Variants in PDSS2 observed in about 807,000 individuals in gnomAD.
The protein encoded by PDSS2 is all trans-polyprenyl-diphosphate synthase PDSS2.
A neutral mutation model predicts 44.5 loss-of-function variants in PDSS2; 31 were observed. The observed-to-expected ratio is 0.70, with a 90% confidence interval of 0.52 to 0.94. PDSS2 has a LOEUF of 0.94. Ranked by LOEUF, PDSS2 falls within the 40% of genes least tolerant of loss-of-function variation. PDSS2 has a pLI of 0.00. For synonymous variants in PDSS2, 157 were observed against 180.3 expected (o/e 0.87, Z 1.03); for missense variants, 452 against 482.2 (o/e 0.94, Z 0.59).
At chr6:107,178,127 C>T (rs1771857422) in intron 7 of PDSS2, among the ~76,000 whole-genome samples, 1 of 152,170 alleles carries the variant, frequency 6.6e-6, no homozygotes, top group Non-Finnish European at 1.5e-5. Context: ...TCCTAGATTC[C>T]TAGCATCCTA....
At chr6:107,356,548 G>C (rs1195572630) in intron 1 of PDSS2, among the ~76,000 whole-genome samples, 1 of 152,102 alleles carries the variant, frequency 6.6e-6, no homozygotes, top group Non-Finnish European at 1.5e-5. Context: ...GAATAAAAAT[G>C]AATGTCATAG....
intron 1 of PDSS2, among the ~76,000 whole-genome samples, chr6:107,402,001 G>A (rs762890252): frequency 7.2e-5 from 11 of 152,008 alleles, no homozygotes; most frequent in African/African-American, 7.2e-5. Flanking sequence ...AAATTAGGCC[G>A]GGCGCAGTGG....
intron 2 of PDSS2, among the ~76,000 whole-genome samples, chr6:107,329,987 C>T (rs1218683398): frequency 6.4e-5 from 9 of 141,672 alleles, no homozygotes; most frequent in African/African-American, 1.3e-4. Context: ...GGTGATAGAG[C>T]GAGACTCTGT....
intron 1 of PDSS2, among the ~76,000 whole-genome samples, chr6:107,357,314 T>G (rs912325565): frequency 6.6e-5 from 10 of 152,156 alleles, no homozygotes; most frequent in Non-Finnish European, 1.5e-4. Flanking sequence ...GGCAACTGAT[T>G]AAAAATAAAT....
At position 107,210,436 on chromosome 6, in the gene PDSS2, T is replaced by C; in HGVS notation, c.1008+3A>G. ...ACCTAAAACAGGAGTAATTTCATTT[T>C]ACCTCTCCGATCTGTTTAATCCACA... On this transcript the variant is annotated splice_donor_region_variant and intron_variant, in intron 6 of 7. Transcript: ENST00000369037. 1 of 1,604,256 alleles carries C rather than the reference T, an allele frequency of 6.2e-7. No individual in the cohort carries two copies. The highest frequency in any genetic ancestry group is 8.5e-7 in the Non-Finnish European group (1 of 1,171,758).
chr6:107,414,258 G>A (rs1380470188), intron 1 of PDSS2, among the ~76,000 whole-genome samples: 2 of 152,196 alleles, frequency 1.3e-5, no homozygotes, highest in Non-Finnish European at 2.9e-5. Flanking sequence ...TGATTTCAGA[G>A]TATAACTGTA....
chr6:107,404,382 T>C (rs9398131), intron 1 of PDSS2, among the ~76,000 whole-genome samples: 21,447 of 152,186 alleles, frequency 0.14, 1,648 homozygotes, highest in East Asian at 0.25. Flanking sequence ...CTAAAGTTGT[T>C]TCCATATTTT....
intron 1 of PDSS2, among the ~76,000 whole-genome samples, chr6:107,451,852 C>A (rs1409364212): frequency 1.3e-5 from 2 of 152,182 alleles, no homozygotes; most frequent in Non-Finnish European, 2.9e-5. Flanking sequence ...TTCCTTTGAC[C>A]CCGCCAGACT....
intron 1 of PDSS2, among the ~76,000 whole-genome samples, chr6:107,444,191 C>T (rs1446737789): frequency 1.3e-5 from 2 of 151,966 alleles, no homozygotes; most frequent in South Asian, 2.1e-4. Flanking sequence ...CCACACCCAG[C>T]TACTTTTTAA....
intron 7 of PDSS2, among the ~76,000 whole-genome samples, chr6:107,155,723 G>T (rs1207576025): frequency 6.6e-6 from 1 of 151,132 alleles, no homozygotes; most frequent in Non-Finnish European, 1.5e-5. Flanking sequence ...GGGACTACAG[G>T]TGTGCACCAC....
intron 1 of PDSS2, among the ~76,000 whole-genome samples, chr6:107,423,925 T>A (rs185981555): frequency 6.6e-6 from 1 of 152,090 alleles, no homozygotes; most frequent in Non-Finnish European, 1.5e-5. Context: ...TCTTCTTCCA[T>A]AAAGCCTTTG....
intron 3 of PDSS2, among the ~76,000 whole-genome samples, chr6:107,262,217 ATTTC>A (rs1247505888): frequency 5.9e-5 from 9 of 151,824 alleles, no homozygotes; most frequent in African/African-American, 2.2e-4. Context: ...TGCCTCAGGT[ATTTC>A]TTTATCGCAA....
At chr6:107,382,740 G>C (rs1024808932) in intron 1 of PDSS2, among the ~76,000 whole-genome samples, 1 of 151,942 alleles carries the variant, frequency 6.6e-6, no homozygotes, top group African/African-American at 2.4e-5. Flanking sequence ...GGGAGGCTGC[G>C]GTGAGAGGAT....
At chr6:107,167,535 G>A (rs1582725509) in intron 7 of PDSS2, among the ~76,000 whole-genome samples, 1 of 152,182 alleles carries the variant, frequency 6.6e-6, no homozygotes, top group East Asian at 1.9e-4. Context: ...GAATGTGTTT[G>A]CTCTTGCTTC....
At chr6:107,209,962 C>T (rs965496231) in intron 6 of PDSS2, among the ~76,000 whole-genome samples, 22 of 152,232 alleles carry the variant, frequency 1.4e-4, no homozygotes, top group Middle Eastern at 3.4e-3. Flanking sequence ...CCTCCCACTT[C>T]GCCATGCTTT....
intron 4 of PDSS2, among the ~76,000 whole-genome samples, chr6:107,224,066 T>C (rs1476783157): frequency 2.0e-5 from 3 of 151,294 alleles, no homozygotes; most frequent in African/African-American, 7.4e-5. Flanking sequence ...TGCCTGATGA[T>C]ACGAAGTGGA....
chr6:107,324,930 C>A (rs1231150470), intron 2 of PDSS2, among the ~76,000 whole-genome samples: 2 of 152,012 alleles, frequency 1.3e-5, no homozygotes. Context: ...ATAGTCACAG[C>A]CTATTGTTAC....
intron 7 of PDSS2, among the ~76,000 whole-genome samples, chr6:107,191,348 G>C (rs1452839884): frequency 6.6e-6 from 1 of 152,200 alleles, no homozygotes; most frequent in African/African-American, 2.4e-5. Flanking sequence ...TGAGCACGAG[G>C]AATGGAAGAG....
chr6:107,410,173 T>C (rs1331613229), intron 1 of PDSS2, among the ~76,000 whole-genome samples: 1 of 152,112 alleles, frequency 6.6e-6, no homozygotes, highest in African/African-American at 2.4e-5. Context: ...CCAAGAGCAA[T>C]AGAAAATGCT....
Sources: allele counts gnomAD v4.1 joint callset (sites outside exome capture counted in the v4.1 genomes callset), GRCh38; gene constraint gnomAD v4.1.1; transcripts MANE v1.5; gene names NCBI Gene and HGNC (gene_info 2026-07-23, HGNC 2026-07-21).